DOCK1: variants seen among roughly 807,000 people sequenced by gnomAD.
The protein encoded by DOCK1 is dedicator of cytokinesis 1.
In DOCK1, 138 loss-of-function variants were observed where a neutral mutation model predicts 262.7. That is an observed-to-expected ratio of 0.53 (90% CI 0.46 to 0.61). DOCK1 has a LOEUF of 0.61. Ranked by LOEUF, DOCK1 falls within the 20% of genes least tolerant of loss-of-function variation. The pLI, the probability that DOCK1 is intolerant of heterozygous loss-of-function variation, is 0.00. For synonymous variants in DOCK1, 866 were observed against 867.4 expected (o/e 1.00, Z 0.03); for missense variants, 1,908 against 2,370.7 (o/e 0.80, Z 4.05).
chr10:127,012,257 C>A lies in DOCK1; in HGVS notation c.1084C>A (p.His362Asn). The change falls in exon 12 of 52, where the codon CAC (histidine) becomes AAC (asparagine). Residue 362 changes from histidine to asparagine, a missense_variant. Physicochemically the swap from His to Asn is moderately conservative, Grantham distance 68 (BLOSUM62 1). This residue lies in a region of DOCK1 where 57 missense variants were observed against 39.7 expected (regional missense o/e 1.44). Transcript: ENST00000623213. The surrounding 1 kb of genome is among the most constrained non-coding windows in gnomAD (Gnocchi z 4.0). ...GCTCGCGTTGGACGACGCCATTCGACACAAGCCGCTGAACATGTCATCCCG... is the reference window on the plus strand; with the variant it reads ...GCTCGCGTTGGACGACGCCATTCGAAACAAGCCGCTGAACATGTCATCCCG... ...QPLALDDAIR[H>N]KPLNMSSRFS... 1.2e-6 allele frequency: 2 copies of A among 1,610,418 alleles called. No homozygotes were observed. The highest frequency in any genetic ancestry group is 8.5e-7 in the Non-Finnish European group (1 of 1,176,672).
rs1235056841 is a variant in DOCK1 at position 127,000,197 on chromosome 10, G to A, written c.875G>A (p.Arg292Lys). Residue 292 changes from arginine (R) to lysine (K), a missense_variant, in exon 10 of 52, where the codon AGG (arginine) becomes AAG (lysine). Coordinates refer to ENST00000623213, the MANE Select transcript of DOCK1 (RefSeq NM_001290223.2). Reference sequence around the variant, plus strand: ...GACCTCGGAAGCAAAGACCTGAAAAGGGAGAAAATCAGTTTTGTCTGTCAG... The same window carrying A: ...GACCTCGGAAGCAAAGACCTGAAAAAGGAGAAAATCAGTTTTGTCTGTCAG... Reference protein sequence around the residue: ...FTDLGSKDLKREKISFVCQIV... With the variant: ...FTDLGSKDLKKEKISFVCQIV... 3.1e-6 allele frequency: 5 copies of A among 1,613,858 alleles called. No homozygotes were observed. In the African/African-American group the frequency reaches 6.7e-5, roughly 22 times the overall value.
intron 23 of DOCK1, 56 bp from the exon 24 acceptor site, chr10:127,106,175 G>C (rs1003347945): frequency 1.4e-5 from 22 of 1,526,290 alleles, no homozygotes; most frequent in Admixed American, 2.0e-5. Flanking sequence ...TTACAAATTG[G>C]TATGAACACT....
intron 35 of DOCK1, 35 bp downstream of exon 35, chr10:127,374,249 C>G: frequency 6.3e-7 from 1 of 1,583,718 alleles, no homozygotes; most frequent in Non-Finnish European, 8.6e-7. Context: ...TTTCAGTTTT[C>G]ACAGCACACC....
Position 127,006,628 on chromosome 10 carries a change from G to A in DOCK1, c.986-2104G>A, listed in dbSNP as rs367961890. Among the ~76,000 whole-genome samples the A allele has an allele frequency of 6.6e-5, 10 of 152,362 alleles. No homozygotes were observed. The East Asian group carries it at 1.4e-3, about 21-fold the overall frequency. On this transcript the variant is annotated intron_variant, in intron 10 of 51. Coordinates refer to ENST00000623213, the MANE Select transcript of DOCK1 (RefSeq NM_001290223.2). Reference sequence around the variant, plus strand: ...GCGATGAGCGGTGATGACTGGTGACGTCAAGGCCTTCTCCTCGAGGCTCAG... The same window carrying A: ...GCGATGAGCGGTGATGACTGGTGACATCAAGGCCTTCTCCTCGAGGCTCAG...
intron 27 of DOCK1, among the ~76,000 whole-genome samples, chr10:127,187,392 C>T (rs1023584314): frequency 1.3e-5 from 2 of 152,154 alleles, no homozygotes; most frequent in Admixed American, 6.5e-5. Context: ...TGGACTTGAG[C>T]ATGCTAAAAA....
At chr10:127,160,616 G>A (rs2053516491) in intron 27 of DOCK1, among the ~76,000 whole-genome samples, 1 of 152,222 alleles carries the variant, frequency 6.6e-6, no homozygotes, top group Non-Finnish European at 1.5e-5. Flanking sequence ...GACCTTCTAA[G>A]TGTGGTCTTC....
chr10:127,229,308 T>C (rs1354261500), intron 27 of DOCK1, among the ~76,000 whole-genome samples: 1 of 152,210 alleles, frequency 6.6e-6, no homozygotes, highest in Non-Finnish European at 1.5e-5. Flanking sequence ...TGCTATTAAC[T>C]GAAGTCACCG....
chr10:127,415,903 CTGAT>C (rs34557635), intron 44 of DOCK1, among the ~76,000 whole-genome samples: 40,550 of 151,948 alleles, frequency 0.27, 5,690 homozygotes, highest in African/African-American at 0.36. Flanking sequence ...ATAAAAACAT[CTGAT>C]TGAAATCTGT....
chr10:127,352,221 C>T (rs543801656), intron 31 of DOCK1, among the ~76,000 whole-genome samples: 5,115 of 71,188 alleles, frequency 0.072, 208 homozygotes, highest in Middle Eastern at 0.13. Context: ...TGGGGAGCAT[C>T]GGGGAGGGGT....
At chr10:127,244,505 A>G (rs1350906055) in intron 27 of DOCK1, among the ~76,000 whole-genome samples, 1 of 152,212 alleles carries the variant, frequency 6.6e-6, no homozygotes, top group East Asian at 1.9e-4. Flanking sequence ...TTATGTTCCC[A>G]CCAACAGCAC....
chr10:127,288,525 C>A (rs2061238538), intron 29 of DOCK1, among the ~76,000 whole-genome samples: 3 of 151,846 alleles, frequency 2.0e-5, no homozygotes, highest in Admixed American at 6.6e-5. Context: ...TAAGGAAATA[C>A]ATTTTCCATA....
chr10:126,962,736 A>G (rs1315838157), intron 1 of DOCK1, among the ~76,000 whole-genome samples: 1 of 152,222 alleles, frequency 6.6e-6, no homozygotes, highest in Non-Finnish European at 1.5e-5. Flanking sequence ...ATTTTGACGA[A>G]GTCTAACTTA....
At chr10:126,963,382 G>A (rs1367228537) in intron 1 of DOCK1, among the ~76,000 whole-genome samples, 2 of 151,848 alleles carry the variant, frequency 1.3e-5, no homozygotes, top group East Asian at 1.9e-4. Flanking sequence ...GCAACATTTC[G>A]TTAGTTTTAG....
intron 27 of DOCK1, among the ~76,000 whole-genome samples, chr10:127,225,551 G>T (rs755217729): frequency 6.6e-6 from 1 of 152,188 alleles, no homozygotes; most frequent in African/African-American, 2.4e-5. Flanking sequence ...CAAATGAAGG[G>T]CTTCATTAGT....
intron 21 of DOCK1, among the ~76,000 whole-genome samples, chr10:127,044,735 A>G (rs766061079): frequency 3.3e-5 from 5 of 152,194 alleles, no homozygotes; most frequent in Non-Finnish European, 7.3e-5. Context: ...CACTGCAGCC[A>G]CATCTCTTCA....
intron 10 of DOCK1, among the ~76,000 whole-genome samples, chr10:127,001,779 C>T (rs2040612159): frequency 6.6e-6 from 1 of 152,080 alleles, no homozygotes; most frequent in Admixed American, 6.5e-5. Flanking sequence ...ATGATTTTAC[C>T]ATTTGTGAGT....
chr10:127,348,887 A>G (rs1180459736), intron 31 of DOCK1, among the ~76,000 whole-genome samples: 1 of 152,240 alleles, frequency 6.6e-6, no homozygotes, highest in East Asian at 1.9e-4. Flanking sequence ...ATTCCTGATT[A>G]TAACAGGAGA....
intron 27 of DOCK1, among the ~76,000 whole-genome samples, chr10:127,236,038 T>A (rs1358586248): frequency 1.3e-5 from 2 of 152,152 alleles, no homozygotes; most frequent in Non-Finnish European, 2.9e-5. Context: ...TAGGTGTTTT[T>A]AAAAATATTT....
intron 27 of DOCK1, among the ~76,000 whole-genome samples, chr10:127,168,197 C>T (rs538248770): frequency 3.9e-5 from 6 of 152,314 alleles, no homozygotes; most frequent in African/African-American, 1.2e-4. Flanking sequence ...GAATCTCACT[C>T]TGGAAAAATG....
Sources: allele counts gnomAD v4.1 joint callset (sites outside exome capture counted in the v4.1 genomes callset), GRCh38; gene constraint gnomAD v4.1.1; regional missense constraint gnomAD v4.1.1; non-coding constraint Gnocchi (gnomAD v3.1); transcripts MANE v1.5; gene names NCBI Gene and HGNC (gene_info 2026-07-23, HGNC 2026-07-21).